ATP6V0E1: variants seen among roughly 807,000 people sequenced by gnomAD.
ATP6V0E1 encodes ATPase H+ transporting V0 subunit e1.
Under a neutral mutation model 11.6 loss-of-function variants are expected in ATP6V0E1, and 4 were observed. That is an observed-to-expected ratio of 0.35 (90% CI 0.17 to 0.79). The LOEUF is 0.79. Among genes scored for constraint, ATP6V0E1 ranks in the 30% least tolerant of loss-of-function variants. ATP6V0E1 has a pLI of 0.54. For synonymous variants in ATP6V0E1, 36 were observed against 34.8 expected (o/e 1.04, Z -0.13); for missense variants, 105 against 100.0 (o/e 1.05, Z -0.21).
intron 2 of ATP6V0E1, among the ~76,000 whole-genome samples, chr5:173,012,146 C>G (rs1756335793): frequency 1.3e-5 from 2 of 151,746 alleles, no homozygotes; most frequent in Non-Finnish European, 1.5e-5. Context: ...ATTCTCCTGC[C>G]TCAGCCTCCC....
chr5:173,025,341 C>T (rs749306524), intron 3 of ATP6V0E1, among the ~76,000 whole-genome samples: 8 of 150,880 alleles, frequency 5.3e-5, no homozygotes, highest in East Asian at 1.9e-4. Context: ...GATAGGGTTT[C>T]GCCATGTTGG....
chr5:172,991,557 T>G (rs1328410485), intron 1 of ATP6V0E1, among the ~76,000 whole-genome samples: 1 of 151,996 alleles, frequency 6.6e-6, no homozygotes. Flanking sequence ...TGAAGGCACC[T>G]GCCTTCAGGA....
chr5:173,019,274 G>A (rs914513238), intron 2 of ATP6V0E1, among the ~76,000 whole-genome samples: 3 of 152,130 alleles, frequency 2.0e-5, no homozygotes, highest in Non-Finnish European at 4.4e-5. Flanking sequence ...CCCTGAAGTC[G>A]GCTGGGCGAG....
intron 2 of ATP6V0E1, among the ~76,000 whole-genome samples, chr5:173,014,140 C>T (rs1756369429): frequency 7.1e-6 from 1 of 140,804 alleles, no homozygotes; most frequent in South Asian, 2.2e-4. Context: ...CAGCCTGGGC[C>T]GTAAAGGGAG....
intron 2 of ATP6V0E1, among the ~76,000 whole-genome samples, chr5:173,003,981 C>T (rs1487253975): frequency 6.6e-6 from 1 of 152,146 alleles, no homozygotes; most frequent in Non-Finnish European, 1.5e-5. Context: ...ACAGGACAGC[C>T]TCACTTTCCC....
At chr5:173,016,400 G>A (rs1756400385) in intron 2 of ATP6V0E1, among the ~76,000 whole-genome samples, 1 of 152,166 alleles carries the variant, frequency 6.6e-6, no homozygotes, top group Admixed American at 6.5e-5. Flanking sequence ...CAGAGGAAAA[G>A]GAGTCAATGT....
intron 3 of ATP6V0E1, among the ~76,000 whole-genome samples, chr5:173,031,037 C>G (rs545574438): frequency 6.6e-6 from 1 of 151,894 alleles, no homozygotes; most frequent in Admixed American, 6.6e-5. Context: ...CTCTGCCTCC[C>G]GGGTTCATGC....
intron 2 of ATP6V0E1, among the ~76,000 whole-genome samples, chr5:172,999,090 T>A (rs1756115217): frequency 6.6e-6 from 1 of 152,006 alleles, no homozygotes; most frequent in Non-Finnish European, 1.5e-5. Context: ...GAGCCGAGAT[T>A]GTGCCATTGC....
At chr5:172,987,007 C>T (rs543732773) in intron 1 of ATP6V0E1, 7 of 215,060 alleles carry the variant, frequency 3.3e-5, no homozygotes, top group East Asian at 1.7e-4. Context: ...AGGATGGTCT[C>T]GATCTCTTGA....
chr5:172,992,137 G>A (rs915101571), intron 1 of ATP6V0E1, among the ~76,000 whole-genome samples: 4 of 151,722 alleles, frequency 2.6e-5, no homozygotes, highest in Non-Finnish European at 5.9e-5. Flanking sequence ...TGCAAGCTCC[G>A]CCTCCCGGGT....
chr5:173,022,722 C>CT (rs1756503918), intron 3 of ATP6V0E1, among the ~76,000 whole-genome samples: 4 of 152,106 alleles, frequency 2.6e-5, no homozygotes, highest in Admixed American at 2.0e-4. Context: ...CAGCCTCACA[C>CT]TCCTGGCTCA....
chr5:172,989,355 C>T (rs1305282740), intron 1 of ATP6V0E1, among the ~76,000 whole-genome samples: 1 of 152,064 alleles, frequency 6.6e-6, no homozygotes. Context: ...AAAAAATTCT[C>T]TTTTGCCCTT....
At chr5:172,989,151 A>G (rs1371918424) in intron 1 of ATP6V0E1, among the ~76,000 whole-genome samples, 3 of 152,186 alleles carry the variant, frequency 2.0e-5, no homozygotes, top group Admixed American at 6.5e-5. Context: ...CCTGGGCAAT[A>G]AAGCAAGACC....
chr5:173,026,114 G>A (rs1287517929), intron 3 of ATP6V0E1, among the ~76,000 whole-genome samples: 1 of 151,978 alleles, frequency 6.6e-6, no homozygotes, highest in Non-Finnish European at 1.5e-5. Context: ...TCCCACCTCA[G>A]CATCCTGAGT....
chr5:173,025,907 C>G (rs564860197), intron 3 of ATP6V0E1, among the ~76,000 whole-genome samples: 1 of 152,014 alleles, frequency 6.6e-6, no homozygotes, highest in Non-Finnish European at 1.5e-5. Flanking sequence ...GCCTATAATC[C>G]CAGCTGTTTG....
chr5:173,015,758 A>ACT (rs1756389766), intron 2 of ATP6V0E1, among the ~76,000 whole-genome samples: 1 of 151,972 alleles, frequency 6.6e-6, no homozygotes, highest in Non-Finnish European at 1.5e-5. Context: ...AGACAGTCTC[A>ACT]CTCTGTCATC....
intron 3 of ATP6V0E1, among the ~76,000 whole-genome samples, chr5:173,032,736 G>T (rs1756683058): frequency 6.6e-6 from 1 of 152,146 alleles, no homozygotes; most frequent in Non-Finnish European, 1.5e-5. Flanking sequence ...AGTCTAATCA[G>T]TGTGCTCTTC....
chr5:172,994,642 C>A, intron 1 of ATP6V0E1, 133 bp from the exon 2 acceptor site: 1 of 712,128 alleles, frequency 1.4e-6, no homozygotes, highest in Non-Finnish European at 2.3e-6. Context: ...GATATTTGAG[C>A]AAATACAGAT....
chr5:173,018,876 A>G (rs1364672840), intron 2 of ATP6V0E1, among the ~76,000 whole-genome samples: 3 of 152,188 alleles, frequency 2.0e-5, no homozygotes, highest in Non-Finnish European at 2.9e-5. Context: ...TGGCATATGA[A>G]TTACCGTATC....
Sources: gnomAD v4.1 joint callset for allele counts (sites outside exome capture counted in the v4.1 genomes callset) on GRCh38, gnomAD v4.1.1 for gene constraint, MANE v1.5 for transcripts, NCBI Gene and HGNC (gene_info 2026-07-23, HGNC 2026-07-21) for gene names.